ANO3: variants seen among roughly 807,000 people sequenced by gnomAD.
ANO3 encodes anoctamin 3, also known as anoctamin-3.
A neutral mutation model predicts 144.8 loss-of-function variants in ANO3; 99 were observed. That is an observed-to-expected ratio of 0.68 (90% CI 0.58 to 0.81). The LOEUF is 0.81. ANO3 is among the 30% of genes least tolerant of loss of function. The pLI, the probability that ANO3 is intolerant of heterozygous loss-of-function variation, is 0.00. For missense variants in ANO3, 905 were observed against 1,202.2 expected (o/e 0.75, Z 3.66); for synonymous variants, 414 against 392.6 (o/e 1.05, Z -0.64).
At chr11:26,565,516 T>C in intron 14 of ANO3, 1 of 1,613,324 alleles carries the variant, frequency 6.2e-7, no homozygotes, top group Non-Finnish European at 8.5e-7. Context: ...GAAACAAAGC[T>C]ATGGATCAAG....
chr11:26,502,583 A>G (rs1479585599), intron 4 of ANO3, among the ~76,000 whole-genome samples: 1 of 152,124 alleles, frequency 6.6e-6, no homozygotes, highest in Non-Finnish European at 1.5e-5. Context: ...GGCTGTGGTA[A>G]ATTCACAAAG....
chr11:26,320,993 C>T (rs1854746214), intron 1 of ANO3, among the ~76,000 whole-genome samples: 2 of 152,100 alleles, frequency 1.3e-5, no homozygotes, highest in Non-Finnish European at 2.9e-5. Flanking sequence ...ACTTCTTTCT[C>T]ATTGATGACC....
chr11:26,656,036 C>T (rs1202156897), intron 24 of ANO3, 89 bp from the exon 25 acceptor site: 9 of 1,040,544 alleles, frequency 8.6e-6, no homozygotes, highest in East Asian at 2.4e-5. Flanking sequence ...AAGAATAATA[C>T]ATTTGTAAAA....
rs1371459445 is a variant in ANO3 at position 26,656,207 on chromosome 11, T to C, written c.2657+2T>C. On this transcript the variant is annotated splice_donor_variant, in intron 25 of 26. Transcript: ENST00000256737. LOFTEE classifies it high-confidence loss of function. The stretch of plus-strand genomic sequence containing the variant: ...TATGGGAAAATCTGGTTATTGCAGG[T>C]ACTTATAATAGTTATCTTTCCTGCT... 1 of 1,609,708 alleles carries C rather than the reference T, an allele frequency of 6.2e-7. No homozygotes were observed. The highest frequency in any genetic ancestry group is 1.3e-5 in the African/African-American group (1 of 74,832).
intron 24 of ANO3, 74 bp from the exon 25 acceptor site, chr11:26,656,051 G>C: frequency 1.7e-6 from 2 of 1,182,672 alleles, no homozygotes; most frequent in South Asian, 2.7e-5. Flanking sequence ...GTAAAATCCT[G>C]GCATTTGTAA....
intron 13 of ANO3, 56 bp from the exon 14 acceptor site, chr11:26,559,663 A>G: frequency 7.9e-7 from 1 of 1,270,626 alleles, no homozygotes; most frequent in South Asian, 1.2e-5. Context: ...AACAGTATTC[A>G]CTGGCTTATT....
chr11:26,303,211 T>C (rs1472411928), intron 1 of ANO3, among the ~76,000 whole-genome samples: 1 of 152,082 alleles, frequency 6.6e-6, no homozygotes, highest in Non-Finnish European at 1.5e-5. Context: ...CAAAGGAAAA[T>C]AAATCGTTCT....
chr11:26,425,029 C>T (rs181481396), intron 1 of ANO3, among the ~76,000 whole-genome samples: 107 of 151,484 alleles, frequency 7.1e-4, no homozygotes, highest in Non-Finnish European at 1.3e-3. Context: ...TAATGCTATC[C>T]CTCCCCCCCA....
chr11:26,422,314 C>T lies in ANO3; in HGVS notation c.47-19604C>T, dbSNP rs74532705. 9.6e-3 allele frequency among the ~76,000 whole-genome samples: 1,454 copies of T among 152,010 alleles called. 32 individuals carry two copies. Among genetic ancestry groups the T allele is most frequent in the African/African-American group, 0.034 (1,419 of 41,512 alleles). On this transcript the variant is annotated intron_variant, in intron 1 of 26. Transcript: ENST00000256737. ...GATCTATTTTTCCAGTTAAGAACTC[C>T]GTATCAGCAGAAAGCCCATTGAATT...
At chr11:26,593,040 T>C (rs1441280635) in intron 14 of ANO3, among the ~76,000 whole-genome samples, 2 of 152,144 alleles carry the variant, frequency 1.3e-5, no homozygotes, top group Non-Finnish European at 2.9e-5. Context: ...TCCCTTCTAT[T>C]TCCCTTTCCT....
At chr11:26,427,989 C>T (rs1279227014) in intron 1 of ANO3, among the ~76,000 whole-genome samples, 2 of 152,128 alleles carry the variant, frequency 1.3e-5, no homozygotes, top group East Asian at 3.9e-4. Context: ...CTGGGTCCCT[C>T]CCATGACACG....
At chr11:26,359,305 T>C (rs756841775) in intron 1 of ANO3, among the ~76,000 whole-genome samples, 20 of 152,204 alleles carry the variant, frequency 1.3e-4, no homozygotes, top group Non-Finnish European at 2.4e-4. Context: ...TTTCTCACTA[T>C]GGAGACAAGG....
rs78420247 is a variant in ANO3, at chr11:26,322,245, T to G, written c.-3+12526T>G. Among the ~76,000 whole-genome samples, 24 of 152,256 alleles carry G rather than the reference T, an allele frequency of 1.6e-4. No homozygotes were observed. In the East Asian group the frequency reaches 4.6e-3, roughly 29 times the overall value. ...CTCATTTTTAAGAACAGTTTTAAAC[T>G]TATAAAAACATTGAGTGAATAATAC... is the stretch of plus-strand genomic sequence containing the variant. On this transcript the variant is annotated intron_variant, in intron 1 of 26. Coordinates refer to the ANO3 transcript ENST00000525139.
At chr11:26,599,031 G>T in intron 16 of ANO3, 33 bp downstream of exon 16, 1 of 1,605,862 alleles carries the variant, frequency 6.2e-7, no homozygotes, top group South Asian at 1.1e-5. Flanking sequence ...AAAATGTTTT[G>T]GGATTCTAAA....
At chr11:26,659,246 T>C (rs1853801937) in intron 26 of ANO3, among the ~76,000 whole-genome samples, 1 of 152,122 alleles carries the variant, frequency 6.6e-6, no homozygotes, top group African/African-American at 2.4e-5. Flanking sequence ...TAACACAGAA[T>C]ATAGGTGATT....
intron 14 of ANO3, among the ~76,000 whole-genome samples, chr11:26,587,726 G>C (rs946334913): frequency 2.0e-5 from 3 of 152,082 alleles, no homozygotes; most frequent in Admixed American, 6.5e-5. Flanking sequence ...GGAAGCCAAG[G>C]CAGGAGGATT....
intron 14 of ANO3, among the ~76,000 whole-genome samples, chr11:26,569,250 G>T (rs542661511): frequency 6.6e-6 from 1 of 152,106 alleles, no homozygotes; most frequent in East Asian, 1.9e-4. Flanking sequence ...CCAAACGTGC[G>T]AAGCACTCTG....
At chr11:26,635,162 G>T in intron 20 of ANO3, 92 bp downstream of exon 20, 1 of 1,186,878 alleles carries the variant, frequency 8.4e-7, no homozygotes. Context: ...GAGAAGTTCA[G>T]GGAACTTTAT....
chr11:26,414,983 T>C (rs779039565), intron 1 of ANO3, among the ~76,000 whole-genome samples: 12 of 151,874 alleles, frequency 7.9e-5, no homozygotes, highest in Admixed American at 1.3e-4. Context: ...CTACCACCAC[T>C]ATACTTGTGA....
Sources: allele counts gnomAD v4.1 joint callset (sites outside exome capture counted in the v4.1 genomes callset), GRCh38; gene constraint gnomAD v4.1.1; transcripts MANE v1.5; gene names NCBI Gene and HGNC (gene_info 2026-07-23, HGNC 2026-07-21).